Variants in FRMPD4 observed in about 807,000 individuals in gnomAD.
The protein encoded by FRMPD4 is FERM and PDZ domain containing 4.
Under a neutral mutation model 94.1 loss-of-function variants are expected in FRMPD4, and 22 were observed. The ratio of observed to expected loss-of-function variants is 0.23; its 90% CI spans 0.17 to 0.33. The LOEUF (loss-of-function observed/expected upper bound fraction) is 0.33. Among genes scored for constraint, FRMPD4 ranks in the 10% least tolerant of loss-of-function variants. The pLI is 1.00. For synonymous variants in FRMPD4, 631 were observed against 548.6 expected, an observed-to-expected ratio of 1.15 and a Z score of -2.10; for missense variants, 1,111 against 1,339.9, an observed-to-expected ratio of 0.83 and a Z score of 2.67.
At chrX:12,615,988 G>A (rs1341338320) in intron 4 of FRMPD4, among the ~76,000 whole-genome samples, 1 of 110,711 alleles carries the variant, frequency 9.0e-6, no homozygotes, top group Non-Finnish European at 1.9e-5. Context: ...AACTGGGAGA[G>A]GAGCAAAAAG....
At chrX:11,971,531 GC>G (rs1296995179) in intron 3 of FRMPD4, among the ~76,000 whole-genome samples, 3 of 112,787 alleles carry the variant, frequency 2.7e-5, no homozygotes, top group Admixed American at 9.3e-5. Flanking sequence ...TTCAATAAAT[GC>G]TTTCATTTTA....
At position 12,717,814 on chromosome X, in the gene FRMPD4, G is replaced by C. The variant is rs756766679; in HGVS notation, c.2988G>C (p.Glu996Asp). 3 of 1,209,573 alleles carry C rather than the reference G, an allele frequency of 2.5e-6. No individual in the cohort carries two copies. Among genetic ancestry groups the C allele is most frequent in the Admixed American group, 2.2e-5 (1 of 45,917 alleles). ...SKQLLHSDHMEMEPETMETKS... is the reference protein window; with the variant it reads ...SKQLLHSDHMDMEPETMETKS... ...AGTTACTTCACTCAGACCACATGGA[G>C]ATGGAGCCTGAAACTATGGAGACTA... The change falls in exon 16 of 17, where the codon GAG becomes GAC. Residue 996 changes from glutamate (E) to aspartate (D), a missense_variant. Physicochemically the swap from Glu to Asp is conservative, Grantham distance 45. Transcript: ENST00000675598.
intron 4 of FRMPD4, among the ~76,000 whole-genome samples, chrX:12,648,742 C>T (rs990396690): frequency 8.9e-6 from 1 of 112,068 alleles, no homozygotes; most frequent in Non-Finnish European, 1.9e-5. Context: ...AAAAGCAAAA[C>T]CTTTTTATGG....
chrX:12,106,219 T>C lies in FRMPD4; in HGVS notation c.95+228201T>C, dbSNP rs192605541. 9.8e-4 allele frequency among the ~76,000 whole-genome samples: 110 copies of C among 112,414 alleles called. 11 individuals are homozygous for C. The East Asian group carries it at 0.015, about 15-fold the overall frequency. Reference sequence around the variant, plus strand: ...GGTACCATAGCATCTCAAGCCCCTTTTGAACAGTGAGAATGTCCTTGGAGA... The same window carrying C: ...GGTACCATAGCATCTCAAGCCCCTTCTGAACAGTGAGAATGTCCTTGGAGA... On this transcript the variant is annotated intron_variant, in intron 3 of 18. Transcript: ENST00000640291.
chrX:12,032,960 A>C (rs919337778), intron 3 of FRMPD4, among the ~76,000 whole-genome samples: 2 of 111,984 alleles, frequency 1.8e-5, no homozygotes, highest in African/African-American at 6.5e-5. Flanking sequence ...AGAAAGGTTG[A>C]AATAGTTGCT....
chrX:11,944,790 G>A (rs1200221082), intron 3 of FRMPD4, among the ~76,000 whole-genome samples: 3 of 111,189 alleles, frequency 2.7e-5, no homozygotes, highest in Non-Finnish European at 3.8e-5. Context: ...TAAGCCAGGA[G>A]TAGCAGCACA....
intron 3 of FRMPD4, among the ~76,000 whole-genome samples, chrX:12,002,305 G>A (rs1468983959): frequency 8.9e-6 from 1 of 111,914 alleles, no homozygotes. Context: ...TGTAGGTATA[G>A]GAATCAGTTA....
intron 3 of FRMPD4, among the ~76,000 whole-genome samples, chrX:11,991,413 C>T (rs1003019192): frequency 8.9e-6 from 1 of 111,869 alleles, no homozygotes; most frequent in Admixed American, 9.5e-5. Context: ...AAGCTCTTAT[C>T]GTTGCCTATA....
chrX:12,639,510 A>T (rs2059474131), intron 4 of FRMPD4, among the ~76,000 whole-genome samples: 1 of 112,381 alleles, frequency 8.9e-6, no homozygotes, highest in African/African-American at 3.2e-5. Flanking sequence ...GAAAGTGAAT[A>T]GCAGGCCACT....
intron 3 of FRMPD4, among the ~76,000 whole-genome samples, chrX:12,035,727 C>T (rs1267460723): frequency 7.2e-5 from 8 of 111,098 alleles, no homozygotes; most frequent in Non-Finnish European, 1.1e-4. Context: ...AATTTTAAAG[C>T]GAGGTCCAAC....
intron 3 of FRMPD4, among the ~76,000 whole-genome samples, chrX:11,883,691 G>A (rs779176781): frequency 3.5e-4 from 39 of 111,772 alleles, no homozygotes; most frequent in Admixed American, 8.5e-4. Context: ...GGCTGCTAAG[G>A]AGATTGAATC....
rs757449508 is a variant in FRMPD4 at position 11,888,223 on chromosome X, G to A, written c.95+10205G>A. ...TGAGAGGGCTAAAGATGATCACTATGTACATCAAATCCTTTATGTTTATTT... is the reference window on the plus strand; with the variant it reads ...TGAGAGGGCTAAAGATGATCACTATATACATCAAATCCTTTATGTTTATTT... On this transcript the variant is annotated intron_variant, in intron 3 of 18. Transcript: ENST00000640291. 7.2e-5 allele frequency among the ~76,000 whole-genome samples: 8 copies of A among 111,760 alleles called. No individual in the cohort carries two copies. In the South Asian group the frequency reaches 2.2e-3, roughly 31 times the overall value.
intron 14 of FRMPD4, among the ~76,000 whole-genome samples, chrX:12,712,314 T>C (rs2042001560): frequency 9.0e-6 from 1 of 110,760 alleles, no homozygotes; most frequent in East Asian, 2.8e-4. Context: ...TTTGGGAGGC[T>C]GAGGCAGGAG....
intron 4 of FRMPD4, among the ~76,000 whole-genome samples, chrX:12,634,760 AT>A (rs2059426747): frequency 9.3e-6 from 1 of 107,052 alleles, no homozygotes; most frequent in South Asian, 4.1e-4. Context: ...GTAATACAAT[AT>A]GTGAGAGGCC....
At chrX:12,167,466 C>T (rs1396013263) in intron 1 of FRMPD4, among the ~76,000 whole-genome samples, 2 of 111,180 alleles carry the variant, frequency 1.8e-5, no homozygotes, top group African/African-American at 6.5e-5. Context: ...AAGGTTGAAA[C>T]ATTAGCTTTG....
chrX:12,469,352 C>A (rs998480588), intron 1 of FRMPD4, among the ~76,000 whole-genome samples: 8 of 111,162 alleles, frequency 7.2e-5, no homozygotes, highest in Admixed American at 1.9e-4. Flanking sequence ...CAGGTTCAAG[C>A]GATTCTCCTG....
rs181791443 is a variant in FRMPD4 at position 12,368,828 on chromosome X, G to A, written c.42-129852G>A. On this transcript the variant is annotated intron_variant, in intron 1 of 16. Coordinates refer to ENST00000675598, the MANE Select transcript of FRMPD4 (RefSeq NM_001368397.1). ...TGGGAGGTGGATGTTGCAGTGAGCC[G>A]AAGTTGCACCACTGTACTCCAGCCT... Among the ~76,000 whole-genome samples the A allele has an allele frequency of 3.6e-3, 401 of 111,764 alleles. 1 individual carries two copies. The highest frequency in any genetic ancestry group is 0.013 in the African/African-American group (388 of 30,776).
chrX:11,991,341 C>A (rs984611751), intron 3 of FRMPD4, among the ~76,000 whole-genome samples: 1 of 111,651 alleles, frequency 9.0e-6, no homozygotes, highest in Non-Finnish European at 1.9e-5. Context: ...CAGGCATAAA[C>A]ACTTCCATAA....
intron 1 of FRMPD4, among the ~76,000 whole-genome samples, chrX:12,480,334 A>G (rs2057666044): frequency 1.4e-4 from 1 of 6,914 alleles, no homozygotes; most frequent in Admixed American, 1.1e-3. Flanking sequence ...AAAAGAAATG[A>G]AAAAAAAAAA....
Sources: gnomAD v4.1 joint callset for allele counts (sites outside exome capture counted in the v4.1 genomes callset) on GRCh38, gnomAD v4.1.1 for gene constraint, MANE v1.5 for transcripts, NCBI Gene and HGNC (gene_info 2026-07-23, HGNC 2026-07-21) for gene names.